Variants in EGF observed in about 807,000 individuals in gnomAD.
EGF encodes epidermal growth factor, also known as pro-epidermal growth factor.
A neutral mutation model predicts 143.8 loss-of-function variants in EGF; 95 were observed. That is an observed-to-expected ratio of 0.66 (90% confidence interval 0.56 to 0.78). EGF has a LOEUF of 0.78. EGF is among the 30% of genes least tolerant of loss of function. The pLI is 0.00. For synonymous variants in EGF, 510 were observed against 510.5 expected (o/e 1.00, Z 0.01); for missense variants, 1,320 against 1,470.9 (o/e 0.90, Z 1.68).
At chr4:109,993,595 A>T (rs11569080) in intron 19 of EGF, among the ~76,000 whole-genome samples, 1 of 152,068 alleles carries the variant, frequency 6.6e-6, no homozygotes, top group Admixed American at 6.5e-5. Context: ...TCACAATCCA[A>T]TAAAGATGGG....
At chr4:110,004,231 C>T (rs1344762564) in intron 21 of EGF, 11 of 461,774 alleles carry the variant, frequency 2.4e-5, no homozygotes, top group African/African-American at 4.0e-5. Flanking sequence ...CACACACACA[C>T]ACACACACAC....
At chr4:109,929,116 A>G (rs1333008085) in intron 1 of EGF, among the ~76,000 whole-genome samples, 1 of 152,194 alleles carries the variant, frequency 6.6e-6, no homozygotes, top group African/African-American at 2.4e-5. Flanking sequence ...TGCCTAGAAC[A>G]GTGTTTCCTG....
At chr4:109,915,579 T>C (rs1190149085) in intron 1 of EGF, among the ~76,000 whole-genome samples, 1 of 152,234 alleles carries the variant, frequency 6.6e-6, no homozygotes, top group Non-Finnish European at 1.5e-5. Flanking sequence ...TACTTTACGC[T>C]CCTGGTCTCA....
chr4:109,970,794 C>T (rs996005810), intron 11 of EGF, among the ~76,000 whole-genome samples: 1 of 130,092 alleles, frequency 7.7e-6, no homozygotes, highest in African/African-American at 3.1e-5. Flanking sequence ...CACTGCACTC[C>T]AGCCTGGGTG....
chr4:109,924,901 C>T (rs1482995428), intron 1 of EGF, among the ~76,000 whole-genome samples: 4 of 152,114 alleles, frequency 2.6e-5, no homozygotes, highest in South Asian at 2.1e-4. Flanking sequence ...TTATTAGCGA[C>T]GAACCTCACA....
intron 23 of EGF, 99 bp downstream of exon 23, chr4:110,008,329 A>C (rs1000911958): frequency 1.1e-5 from 15 of 1,312,090 alleles, no homozygotes; most frequent in Non-Finnish European, 1.6e-5. Context: ...CACACACACA[A>C]ACAAAATAAC....
At chr4:109,952,840 G>A (rs1401297303) in intron 5 of EGF, among the ~76,000 whole-genome samples, 1 of 152,148 alleles carries the variant, frequency 6.6e-6, no homozygotes. Context: ...TTAAATACTT[G>A]AAATTGCTCT....
At chr4:109,956,661 T>C (rs922983194) in intron 5 of EGF, among the ~76,000 whole-genome samples, 1 of 152,176 alleles carries the variant, frequency 6.6e-6, no homozygotes, top group African/African-American at 2.4e-5. Context: ...ATAATGTAAC[T>C]ATACATGTAT....
chr4:109,960,786 G>C lies in EGF; in HGVS notation c.1067-81G>C, dbSNP rs538008849. 2.1e-5 allele frequency: 33 copies of C among 1,539,800 alleles called. No individual in the cohort carries two copies. The Admixed American group carries it at 5.4e-4, about 25-fold the overall frequency. ...CATATACAAGTGTGAGATACCCTGC[G>C]TTGTGATGACTTATTAGTGATAGCA... is the stretch of plus-strand genomic sequence containing the variant. On this transcript the variant is annotated intron_variant, in intron 6 of 23. Transcript: ENST00000265171.
At position 109,994,736 on chromosome 4, in the gene EGF, C is replaced by G. The variant is rs1267864632; in HGVS notation, c.2861C>G (p.Ser954Cys). The G allele has an allele frequency of 1.1e-5, 17 of 1,613,930 alleles. No homozygotes were observed. Among genetic ancestry groups the G allele is most frequent in the African/African-American group, 1.3e-5 (1 of 74,920 alleles). Residue 954 changes from serine to cysteine, a missense_variant, in exon 20 of 24, where the codon TCT becomes TGT. Ser to Cys is a moderately radical substitution (Grantham distance 112). Around this residue, in one of 5 missense-constraint regions of EGF, gnomAD observed 1,186 missense variants for 1,313.7 expected, o/e 0.90. Coordinates refer to ENST00000265171, the MANE Select transcript of EGF (RefSeq NM_001963.6). ...LSEPGLICPDSTPPPHLREDD... is the reference protein window; with the variant it reads ...LSEPGLICPDCTPPPHLREDD... The stretch of plus-strand genomic sequence containing the variant: ...GTAATGTCTTGGGTTCTTTTAGACT[C>G]TACTCCACCCCCTCACCTCAGGGAA...
At chr4:109,922,865 A>C (rs1738028269) in intron 1 of EGF, among the ~76,000 whole-genome samples, 1 of 151,706 alleles carries the variant, frequency 6.6e-6, no homozygotes, top group Non-Finnish European at 1.5e-5. Context: ...TAGCTGACGC[A>C]GTGAGTTATC....
chr4:109,983,296 G>A (rs1749655927), intron 15 of EGF, 126 bp from the exon 16 acceptor site: 4 of 1,142,342 alleles, frequency 3.5e-6, no homozygotes, highest in Non-Finnish European at 5.0e-6. Flanking sequence ...CAGTTTCTCT[G>A]AATCCTCTTA....
At chr4:110,009,707 C>T (rs540635875) in intron 23 of EGF, among the ~76,000 whole-genome samples, 19 of 152,016 alleles carry the variant, frequency 1.2e-4, no homozygotes, top group Admixed American at 1.1e-3. Context: ...GGTGAAAATG[C>T]GCATAGAGAT....
At chr4:109,930,902 A>T (rs965667356) in intron 1 of EGF, among the ~76,000 whole-genome samples, 1 of 152,164 alleles carries the variant, frequency 6.6e-6, no homozygotes, top group Non-Finnish European at 1.5e-5. Context: ...AAGATCCCCT[A>T]CTAATCCCTA....
At chr4:109,928,775 A>G (rs907040263) in intron 1 of EGF, among the ~76,000 whole-genome samples, 5 of 152,090 alleles carry the variant, frequency 3.3e-5, no homozygotes, top group African/African-American at 1.2e-4. Flanking sequence ...TGTTTTGTCA[A>G]TCTTAAGATC....
Position 110,011,333 on chromosome 4 carries a change from C to T in EGF, c.3502C>T (p.Pro1168Ser). ...GGTAATGGAGCGAAGCTTTCATATGCCCTCCTATGGGACACAGACCCTTGA... is the reference window on the plus strand; with the variant it reads ...GGTAATGGAGCGAAGCTTTCATATGTCCTCCTATGGGACACAGACCCTTGA... The part of the protein sequence containing the change: ...PQVMERSFHM[P>S]SYGTQTLEGG... Residue 1168 changes from proline (P) to serine (S), a missense_variant, in exon 24 of 24, where the codon CCC (proline) becomes TCC (serine). Pro to Ser is a moderately conservative substitution (Grantham distance 74, BLOSUM62 -1). Transcript: ENST00000265171. 1.2e-6 allele frequency: 2 copies of T among 1,614,154 alleles called. No homozygotes were observed. The highest frequency in any genetic ancestry group is 1.1e-5 in the South Asian group (1 of 91,086).
chr4:109,996,846 G>A (rs1194823111), intron 20 of EGF, among the ~76,000 whole-genome samples: 1 of 152,198 alleles, frequency 6.6e-6, no homozygotes, highest in Non-Finnish European at 1.5e-5. Flanking sequence ...TCTGGGCTCA[G>A]AGGAGGTCCT....
intron 1 of EGF, among the ~76,000 whole-genome samples, chr4:109,920,405 A>G (rs1385948705): frequency 6.6e-6 from 1 of 151,686 alleles, no homozygotes; most frequent in Non-Finnish European, 1.5e-5. Flanking sequence ...AGTTTTTAAG[A>G]AACAAATCAC....
intron 11 of EGF, among the ~76,000 whole-genome samples, 157 bp from the exon 12 acceptor site, chr4:109,974,546 G>C (rs942511521): frequency 6.6e-6 from 1 of 152,140 alleles, no homozygotes; most frequent in Non-Finnish European, 1.5e-5. Context: ...GTTTGTGGGT[G>C]GGGGAGAGAG....
Sources: allele counts gnomAD v4.1 joint callset (sites outside exome capture counted in the v4.1 genomes callset), GRCh38; gene constraint gnomAD v4.1.1; regional missense constraint gnomAD v4.1.1; transcripts MANE v1.5; gene names NCBI Gene and HGNC (gene_info 2026-07-23, HGNC 2026-07-21).